Variants in SMOC1 observed in about 807,000 individuals in gnomAD.
The protein encoded by SMOC1 is SPARC-related modular calcium-binding protein 1.
A neutral mutation model predicts 56.3 loss-of-function variants in SMOC1; 22 were observed. The ratio of observed to expected loss-of-function variants is 0.39; its 90% CI spans 0.28 to 0.56. The LOEUF is 0.56. Ranked by LOEUF, SMOC1 falls within the 20% of genes least tolerant of loss-of-function variation. The probability of loss-of-function intolerance (pLI) is 0.61; values close to 1 mark genes in which losing one functional copy is unlikely to be tolerated. For missense variants in SMOC1, 509 were observed against 565.4 expected, an observed-to-expected ratio of 0.90 and a Z score of 1.01; for synonymous variants, 193 against 215.0, an observed-to-expected ratio of 0.90 and a Z score of 0.89.
chr14:69,939,315 C>T (rs183658269), intron 1 of SMOC1, among the ~76,000 whole-genome samples: 1 of 152,184 alleles, frequency 6.6e-6, no homozygotes, highest in Admixed American at 6.5e-5. Context: ...GTGCAGGGAA[C>T]TGCCCTTTAT....
At chr14:69,974,176 C>T (rs1229526287) in intron 3 of SMOC1, among the ~76,000 whole-genome samples, 1 of 152,104 alleles carries the variant, frequency 6.6e-6, no homozygotes, top group Non-Finnish European at 1.5e-5. Context: ...CCTGAGGTCA[C>T]GATCTTGAGA....
At chr14:69,953,223 C>G (rs920937760) in intron 2 of SMOC1, among the ~76,000 whole-genome samples, 197 bp from the exon 3 acceptor site, 1 of 152,142 alleles carries the variant, frequency 6.6e-6, no homozygotes, top group Non-Finnish European at 1.5e-5. Flanking sequence ...AACACGAATC[C>G]TCTGCTTTTC....
At chr14:69,908,149 A>G (rs1299662615) in intron 1 of SMOC1, among the ~76,000 whole-genome samples, 2 of 152,180 alleles carry the variant, frequency 1.3e-5, no homozygotes, top group African/African-American at 4.8e-5. Context: ...TGGGGAAAAA[A>G]GTAGGTTGTA....
At chr14:69,952,672 A>C (rs1883047483) in intron 2 of SMOC1, among the ~76,000 whole-genome samples, 1 of 152,210 alleles carries the variant, frequency 6.6e-6, no homozygotes, top group Non-Finnish European at 1.5e-5. Context: ...CTGTTTAAAA[A>C]CAGCAAAAAA....
rs769420307 is a variant in SMOC1, at chr14:70,011,489, G to A, written c.862G>A (p.Val288Met). 1.7e-5 allele frequency: 26 copies of A among 1,525,186 alleles called. No homozygotes were observed. The highest frequency in any genetic ancestry group is 7.3e-5 in the African/African-American group (5 of 68,502). 94.5% of individuals were successfully genotyped at this position (1,525,186 alleles called of 1,614,324 possible). The change falls in exon 9 of 12, where the codon GTG (valine) becomes ATG (methionine). Residue 288 changes from valine (V) to methionine (M), a missense_variant. Val to Met is a conservative substitution (Grantham distance 21). Coordinates refer to ENST00000361956, the MANE Select transcript of SMOC1 (RefSeq NM_001034852.3). The part of the protein sequence containing the change: ...RPLPGTSTRY[V>M]MPSCESDARA... ...CCCATATCTCTCTTTTCCCAGCTAC[G>A]TGATGCCCAGTTGTGAGAGCGACGC...
In SMOC1 at chr14:70,013,397, G is replaced by A; in HGVS notation, c.952G>A (p.Gly318Arg). Residue 318 changes from glycine (G) to arginine (R), a missense_variant, in exon 10 of 12, where the codon GGG becomes AGG. This residue lies in a region of SMOC1 where 176 missense variants were observed against 188.1 expected (regional missense o/e 0.94). Transcript: ENST00000361956. ...KDRELPGCPE[G>R]KKMEFITSLL... The stretch of plus-strand genomic sequence containing the variant: ...ATTTTATCTTTTAGGCTGTCCAGAA[G>A]GGAAGAAAATGGAGTTTATCACCAG... The A allele has an allele frequency of 2.5e-6, 4 of 1,614,080 alleles. No individual in the cohort carries two copies. Among genetic ancestry groups the A allele is most frequent in the Non-Finnish European group, 3.4e-6 (4 of 1,179,926 alleles).
intron 3 of SMOC1, among the ~76,000 whole-genome samples, chr14:69,967,743 G>A (rs923841167): frequency 6.6e-6 from 1 of 152,156 alleles, no homozygotes; most frequent in East Asian, 1.9e-4. Flanking sequence ...GGCTCAGAGA[G>A]GTTAAGTGAC....
At position 70,030,396 on chromosome 14, in the gene SMOC1, A is replaced by G. The variant is rs1278366864; in HGVS notation, c.*138A>G. On this transcript the variant is annotated 3_prime_UTR_variant, in exon 12 of 12. Transcript: ENST00000361956. ...TGCCCACCATGTTTGCACTTTTAAT[A>G]ACTCTTACTTGCGTGTTTTGTTTTT... 1 of 1,063,160 alleles carries G rather than the reference A, an allele frequency of 9.4e-7. No homozygotes were observed. Among genetic ancestry groups the G allele is most frequent in the African/African-American group, 1.6e-5 (1 of 62,426 alleles). 65.9% of individuals were successfully genotyped at this position (1,063,160 alleles called of 1,614,324 possible).
intron 1 of SMOC1, among the ~76,000 whole-genome samples, chr14:69,903,716 A>G (rs1884329139): frequency 6.6e-6 from 1 of 152,116 alleles, no homozygotes; most frequent in Non-Finnish European, 1.5e-5. Flanking sequence ...ATGCTCGTTA[A>G]TAGTCATCAC....
chr14:69,916,414 T>C (rs981520593), intron 1 of SMOC1, among the ~76,000 whole-genome samples: 7 of 152,230 alleles, frequency 4.6e-5, no homozygotes, highest in Admixed American at 1.3e-4. Context: ...GGCTCTACCC[T>C]CTGTAAGCAG....
At chr14:69,888,855 G>T (rs1419952244) in intron 1 of SMOC1, among the ~76,000 whole-genome samples, 7 of 152,298 alleles carry the variant, frequency 4.6e-5, no homozygotes, top group Non-Finnish European at 7.3e-5. Flanking sequence ...AGGACACATT[G>T]TAGATAACAA....
At chr14:69,885,441 G>A (rs111743993) in intron 1 of SMOC1, 33,651 of 1,600,934 alleles carry the variant, frequency 0.021, 1,229 homozygotes, top group African/African-American at 0.16. Flanking sequence ...CAGTGACGGC[G>A]GATCTCATCG....
intron 11 of SMOC1, among the ~76,000 whole-genome samples, chr14:70,023,818 T>C (rs1441111400): frequency 6.8e-6 from 1 of 147,474 alleles, no homozygotes; most frequent in Non-Finnish European, 1.5e-5. Context: ...TGTGTGTGTG[T>C]GAGTGTGTGT....
At chr14:69,950,150 GC>G (rs796161368) in intron 1 of SMOC1, among the ~76,000 whole-genome samples, 27 of 152,336 alleles carry the variant, frequency 1.8e-4, no homozygotes, top group African/African-American at 6.5e-4. Flanking sequence ...TGAAGAGAAA[GC>G]GCAATTTCAC....
intron 1 of SMOC1, among the ~76,000 whole-genome samples, chr14:69,909,155 C>T (rs528616526): frequency 6.6e-6 from 1 of 152,270 alleles, no homozygotes; most frequent in East Asian, 1.9e-4. Flanking sequence ...AATCTCCATA[C>T]TCCTAGGGCT....
intron 1 of SMOC1, among the ~76,000 whole-genome samples, chr14:69,905,408 A>T (rs1406148066): frequency 2.0e-5 from 3 of 152,206 alleles, no homozygotes; most frequent in Non-Finnish European, 2.9e-5. Context: ...GGGTAGCTGC[A>T]AAGGGAGGTG....
intron 7 of SMOC1, among the ~76,000 whole-genome samples, chr14:70,001,456 C>G (rs557465792): frequency 4.0e-4 from 61 of 152,262 alleles, no homozygotes; most frequent in African/African-American, 1.4e-3. Flanking sequence ...TTATCACTGA[C>G]ATTGTTTTGA....
At chr14:69,910,365 A>C (rs985541305) in intron 1 of SMOC1, among the ~76,000 whole-genome samples, 1 of 152,238 alleles carries the variant, frequency 6.6e-6, no homozygotes, top group Admixed American at 6.5e-5. Context: ...TTAATAGCAC[A>C]GCACAGCAAG....
At chr14:70,008,911 C>T (rs1002557534) in intron 7 of SMOC1, among the ~76,000 whole-genome samples, 4 of 152,214 alleles carry the variant, frequency 2.6e-5, no homozygotes, top group Non-Finnish European at 5.9e-5. Flanking sequence ...ATGGCACCTT[C>T]CCAGCCAGGG....
Sources: gnomAD v4.1 joint callset for allele counts (sites outside exome capture counted in the v4.1 genomes callset) on GRCh38, gnomAD v4.1.1 for gene constraint, gnomAD v4.1.1 regional missense constraint, MANE v1.5 for transcripts, NCBI Gene and HGNC (gene_info 2026-07-23, HGNC 2026-07-21) for gene names.